The following CCNY variants were observed in gnomAD, a reference collection of about 807,000 sequenced individuals.
CCNY encodes the protein cyclin-Y.
In CCNY, 19 loss-of-function variants were observed where a neutral mutation model predicts 42.8. The ratio of observed to expected loss-of-function variants is 0.44; its 90% CI spans 0.31 to 0.65. CCNY has a LOEUF of 0.65. CCNY is among the 30% of genes least tolerant of loss of function. The probability of loss-of-function intolerance (pLI) is 0.07; values close to 1 mark genes in which losing one functional copy is unlikely to be tolerated. For synonymous variants in CCNY, 165 were observed against 162.7 expected, an observed-to-expected ratio of 1.01 and a Z score of -0.11; for missense variants, 370 against 437.3, an observed-to-expected ratio of 0.85 and a Z score of 1.37.
chr10:35,451,215 C>A (rs1411819483), intron 1 of CCNY, among the ~76,000 whole-genome samples: 1 of 152,190 alleles, frequency 6.6e-6, no homozygotes, highest in Admixed American at 6.5e-5. Context: ...AAATCATCTT[C>A]TCCCACTTCT....
intron 3 of CCNY, among the ~76,000 whole-genome samples, chr10:35,511,092 A>G (rs1472797121): frequency 6.6e-6 from 1 of 152,190 alleles, no homozygotes; most frequent in Non-Finnish European, 1.5e-5. Context: ...CGGCCAGCTC[A>G]TTGCCACACA....
chr10:35,336,341 G>A (rs1836024336), upstream of CCNY: 2 of 152,166 alleles, frequency 1.3e-5, no homozygotes, highest in South Asian at 2.1e-4. Flanking sequence ...CCCAGTGCCC[G>A]AGAGAGGAGC....
At chr10:35,267,957 C>A (rs2095727308) in intron 3 of CCNY, among the ~76,000 whole-genome samples, 1 of 152,008 alleles carries the variant, frequency 6.6e-6, no homozygotes, top group South Asian at 2.1e-4. Flanking sequence ...GACAGAGTCT[C>A]ATGACCAGAC....
At chr10:35,481,626 G>C (rs1293434357) in intron 1 of CCNY, among the ~76,000 whole-genome samples, 1 of 152,202 alleles carries the variant, frequency 6.6e-6, no homozygotes, top group African/African-American at 2.4e-5. Context: ...GTGTCACCTT[G>C]CTGGCATGTG....
rs371401288 is a variant in CCNY, at chr10:35,525,902, G to C, written c.366-62G>C. On this transcript the variant is annotated intron_variant, in intron 4 of 9. Coordinates refer to ENST00000374704, the MANE Select transcript of CCNY (RefSeq NM_145012.6). ...AATATTTATGTTCAGACTGTGGCCA[G>C]GTAATGTGTAAGGTCTTGAATATGC... The C allele has an allele frequency of 3.5e-5, 49 of 1,413,704 alleles. No individual in the cohort carries two copies. In the African/African-American group the frequency reaches 6.7e-4, roughly 19 times the overall value. The allele number at this position is 1,413,704 out of a possible 1,614,324, so 87.6% of individuals were successfully genotyped here.
At chr10:35,263,075 AG>A (rs1318713712) in intron 3 of CCNY, among the ~76,000 whole-genome samples, 1 of 152,002 alleles carries the variant, frequency 6.6e-6, no homozygotes, top group Non-Finnish European at 1.5e-5. Context: ...TTTAAAAATT[AG>A]CCGGGCACGG....
chr10:35,326,588 C>T (rs1418582899), intron 3 of CCNY, among the ~76,000 whole-genome samples: 1 of 152,184 alleles, frequency 6.6e-6, no homozygotes, highest in Non-Finnish European at 1.5e-5. Context: ...CCAGGCTGCA[C>T]TTTTCCTGGA....
chr10:35,465,553 T>G (rs1363331735), intron 1 of CCNY, among the ~76,000 whole-genome samples: 1 of 152,198 alleles, frequency 6.6e-6, no homozygotes, highest in Non-Finnish European at 1.5e-5. Flanking sequence ...TACAACTTCT[T>G]GTTCTGGCAC....
chr10:35,461,761 G>C (rs756359250), intron 1 of CCNY, among the ~76,000 whole-genome samples: 1 of 152,144 alleles, frequency 6.6e-6, no homozygotes, highest in Non-Finnish European at 1.5e-5. Context: ...ATTATTCATG[G>C]CAAAGTATGG....
intron 1 of CCNY, among the ~76,000 whole-genome samples, chr10:35,441,060 A>G (rs1304793269): frequency 6.6e-6 from 1 of 152,206 alleles, no homozygotes; most frequent in Non-Finnish European, 1.5e-5. Context: ...AGCACCACTT[A>G]TAAGACTCCA....
chr10:35,428,255 T>G (rs572812229), intron 1 of CCNY, among the ~76,000 whole-genome samples: 1 of 152,224 alleles, frequency 6.6e-6, no homozygotes, highest in Non-Finnish European at 1.5e-5. Flanking sequence ...TGTTCCTTGA[T>G]TGCCTAAAAC....
At chr10:35,555,895 G>A (rs563312096) in intron 8 of CCNY, among the ~76,000 whole-genome samples, 1 of 152,032 alleles carries the variant, frequency 6.6e-6, no homozygotes, top group Admixed American at 6.5e-5. Context: ...TTATAATAAG[G>A]TTGGATTTTT....
At chr10:35,463,586 C>T (rs1839199355) in intron 1 of CCNY, among the ~76,000 whole-genome samples, 1 of 152,156 alleles carries the variant, frequency 6.6e-6, no homozygotes, top group Non-Finnish European at 1.5e-5. Context: ...TAAGAGATTA[C>T]AATTTGATAA....
At chr10:35,457,073 A>G (rs990984657) in intron 1 of CCNY, among the ~76,000 whole-genome samples, 5 of 152,258 alleles carry the variant, frequency 3.3e-5, no homozygotes, top group African/African-American at 1.2e-4. Flanking sequence ...TAGCCATCCA[A>G]TCAAAGTTTT....
chr10:35,346,565 T>C (rs572728214), intron 1 of CCNY, among the ~76,000 whole-genome samples: 1 of 152,346 alleles, frequency 6.6e-6, no homozygotes, highest in African/African-American at 2.4e-5. Context: ...GCTTTTCAAA[T>C]AGATAAGTGG....
chr10:35,342,203 G>A (rs748796463), intron 1 of CCNY, among the ~76,000 whole-genome samples: 9 of 152,176 alleles, frequency 5.9e-5, no homozygotes, highest in Non-Finnish European at 1.2e-4. Context: ...AGTGCCTGTA[G>A]GATGAGCTTG....
chr10:35,419,946 T>A (rs1269071871), intron 1 of CCNY, among the ~76,000 whole-genome samples: 2 of 149,226 alleles, frequency 1.3e-5, no homozygotes, highest in African/African-American at 2.5e-5. Context: ...TTTTTTTTAG[T>A]ACAGTTCAAA....
rs994150300 is a variant in CCNY at position 35,304,532 on chromosome 10, G to T, written c.-9+53906G>T. ...TCACCGTTTTAGCCGGGATGGTCTC[G>T]ATCTCTTGACCTCGTGATCCGCCCG... On this transcript the variant is annotated intron_variant, in intron 3 of 11. Coordinates refer to the CCNY transcript ENST00000374706. Among the ~76,000 whole-genome samples, 2 of 127,166 alleles carry T rather than the reference G, an allele frequency of 1.6e-5. 1 individual carries two copies. Among genetic ancestry groups the T allele is most frequent in the East Asian group, 4.6e-4 (2 of 4,372 alleles). The allele number at this position is 127,166 out of a possible 152,430, so 83.4% of individuals were successfully genotyped here. A position where few individuals can be genotyped will look rare whatever the true frequency, so the allele number is the denominator to read the frequency against.
intron 1 of CCNY, among the ~76,000 whole-genome samples, chr10:35,473,561 A>C (rs1335680970): frequency 6.6e-6 from 1 of 151,946 alleles, no homozygotes; most frequent in African/African-American, 2.4e-5. Flanking sequence ...GGGATATGTG[A>C]TTTTGGGGTG....
Sources: allele counts gnomAD v4.1 joint callset (sites outside exome capture counted in the v4.1 genomes callset), GRCh38; gene constraint gnomAD v4.1.1; transcripts MANE v1.5; gene names NCBI Gene and HGNC (gene_info 2026-07-23, HGNC 2026-07-21).